MYT1L: variants seen among roughly 807,000 people sequenced by gnomAD.
MYT1L encodes the protein myelin transcription factor 1-like protein.
MYT1L carries 12 observed loss-of-function variants against 126.7 expected under a neutral mutation model. The ratio of observed to expected loss-of-function variants is 0.09; its 90% CI spans 0.06 to 0.15. The LOEUF (loss-of-function observed/expected upper bound fraction) is 0.15. MYT1L is among the 10% of genes least tolerant of loss of function. The pLI is 1.00. For missense variants in MYT1L, 979 were observed against 1,585.2 expected (o/e 0.62, Z 6.49); for synonymous variants, 541 against 604.2 (o/e 0.90, Z 1.53).
intron 9 of MYT1L, among the ~76,000 whole-genome samples, chr2:1,942,118 A>G (rs1238517617): frequency 6.6e-6 from 1 of 152,208 alleles, no homozygotes; most frequent in African/African-American, 2.4e-5. Flanking sequence ...GGGCATTTCT[A>G]TGAGGAAAAC....
chr2:1,972,762 G>A (rs143023213), intron 8 of MYT1L, among the ~76,000 whole-genome samples: 11 of 152,352 alleles, frequency 7.2e-5, no homozygotes, highest in East Asian at 3.9e-4. Context: ...AGAGGCGTGC[G>A]GAATGGAGAG....
chr2:2,154,697 G>A (rs2086431565), intron 3 of MYT1L, among the ~76,000 whole-genome samples: 1 of 152,184 alleles, frequency 6.6e-6, no homozygotes. Flanking sequence ...AGTGATAGGA[G>A]GGAGAGGAGC....
chr2:2,144,277 C>T (rs531777775), intron 3 of MYT1L, among the ~76,000 whole-genome samples: 1 of 152,224 alleles, frequency 6.6e-6, no homozygotes, highest in South Asian at 2.1e-4. Context: ...CATGGCTCCC[C>T]AGCCACCCCC....
intron 1 of MYT1L, among the ~76,000 whole-genome samples, chr2:2,296,855 T>C (rs1342199848): frequency 1.3e-5 from 2 of 152,158 alleles, no homozygotes; most frequent in Admixed American, 6.5e-5. Context: ...CTCACCGGTG[T>C]GTGCAGGGCT....
At chr2:1,810,463 G>A (rs1572437526) in intron 21 of MYT1L, among the ~76,000 whole-genome samples, 4 of 152,240 alleles carry the variant, frequency 2.6e-5, no homozygotes, top group Admixed American at 2.6e-4. Context: ...ATATGTATAT[G>A]ACATATGTGT....
chr2:2,191,687 C>T (rs12998678), intron 2 of MYT1L, among the ~76,000 whole-genome samples: 6,150 of 152,268 alleles, frequency 0.04, 159 homozygotes, highest in East Asian at 0.08. Flanking sequence ...GTCAGTAAAC[C>T]ACAGCAGAAT....
intron 8 of MYT1L, among the ~76,000 whole-genome samples, chr2:1,944,203 A>C (rs1206825693): frequency 6.6e-6 from 1 of 151,966 alleles, no homozygotes; most frequent in Non-Finnish European, 1.5e-5. Flanking sequence ...ATTACATTAG[A>C]TATATCTCCT....
At chr2:2,114,230 A>G (rs923882418) in intron 3 of MYT1L, among the ~76,000 whole-genome samples, 14 of 152,236 alleles carry the variant, frequency 9.2e-5, no homozygotes, top group African/African-American at 2.2e-4. Context: ...GGTATAGACT[A>G]GAAATAGAAA....
intron 21 of MYT1L, among the ~76,000 whole-genome samples, chr2:1,837,154 A>ACC (rs1286273609): frequency 2.0e-5 from 3 of 152,172 alleles, no homozygotes; most frequent in Non-Finnish European, 4.4e-5. Flanking sequence ...ACCCTAACAT[A>ACC]CAATGCAACC....
At chr2:1,908,685 T>C (rs2051452335) in intron 13 of MYT1L, among the ~76,000 whole-genome samples, 1 of 152,152 alleles carries the variant, frequency 6.6e-6, no homozygotes, top group Non-Finnish European at 1.5e-5. Context: ...TGGGGGTGGT[T>C]TTCATGTTGC....
chr2:2,009,701 C>A (rs2149746179), intron 4 of MYT1L, among the ~76,000 whole-genome samples: 2 of 152,250 alleles, frequency 1.3e-5, no homozygotes, highest in Middle Eastern at 6.8e-3. Flanking sequence ...TATCTTATTT[C>A]ATTTCTTGTC....
intron 1 of MYT1L, among the ~76,000 whole-genome samples, chr2:2,290,645 T>G (rs895849466): frequency 6.6e-6 from 1 of 152,158 alleles, no homozygotes; most frequent in African/African-American, 2.4e-5. Context: ...TACACACACA[T>G]GCTCTGACGT....
In MYT1L at chr2:1,974,065, C is replaced by G. The variant is rs190276620; in HGVS notation, c.152+5100G>C. Among the ~76,000 whole-genome samples, 203 of 152,344 alleles carry G rather than the reference C, an allele frequency of 1.3e-3. 1 individual carries two copies. The highest frequency in any genetic ancestry group is 2.2e-3 in the Non-Finnish European group (148 of 68,038). ...GACGGTACACCGGGACAGCTTCTGT[C>G]TTCCATGTTTTAAATGCCTGGAGGC... is the stretch of plus-strand genomic sequence containing the variant. On this transcript the variant is annotated intron_variant, in intron 8 of 24. Transcript: ENST00000647738.
intron 3 of MYT1L, among the ~76,000 whole-genome samples, chr2:2,116,177 C>A (rs1216458997): frequency 1.3e-5 from 2 of 152,236 alleles, no homozygotes; most frequent in Non-Finnish European, 2.9e-5. Context: ...GAAGAAAAGG[C>A]CATCCAGGGA....
intron 3 of MYT1L, among the ~76,000 whole-genome samples, chr2:2,058,411 A>G (rs1346122607): frequency 6.6e-6 from 1 of 152,194 alleles, no homozygotes; most frequent in African/African-American, 2.4e-5. Flanking sequence ...GTAGAGCAAA[A>G]GTTTTAATTT....
chr2:2,326,888 G>C (rs141442259), intron 1 of MYT1L: 1 of 152,292 alleles, frequency 6.6e-6, no homozygotes, highest in Non-Finnish European at 1.5e-5. Flanking sequence ...AGAGAGAAGA[G>C]AGGGTGGCAA....
chr2:2,163,616 C>T (rs1259511906), intron 3 of MYT1L, among the ~76,000 whole-genome samples: 1 of 151,474 alleles, frequency 6.6e-6, no homozygotes, highest in Admixed American at 6.6e-5. Context: ...CCTGTAGTCC[C>T]AGCTACTCGG....
At chr2:2,253,738 C>T (rs1270202914) in intron 2 of MYT1L, among the ~76,000 whole-genome samples, 6 of 151,644 alleles carry the variant, frequency 4.0e-5, no homozygotes, top group Non-Finnish European at 8.8e-5. Flanking sequence ...AAGTCGGAAA[C>T]AGGAAGCGGG....
rs898784473 is a variant in MYT1L, at chr2:1,789,966, TAC to T, written c.*1899_*1900del. On this transcript the variant is annotated 3_prime_UTR_variant, in exon 25 of 25. Coordinates refer to ENST00000647738, the MANE Select transcript of MYT1L (RefSeq NM_001303052.2). Reference sequence around the variant, plus strand: ...TGCCGCTGGGATATACATATATTTATACACATATATATATACCGAGGTTGAGT... The same window carrying T: ...TGCCGCTGGGATATACATATATTTATACATATATATATACCGAGGTTGAGT... The T allele has an allele frequency of 2.0e-5, 3 of 152,228 alleles. No homozygotes were observed. Among genetic ancestry groups the T allele is most frequent in the Admixed American group, 6.5e-5 (1 of 15,278 alleles). 9.4% of individuals were successfully genotyped at this position (152,228 alleles called of 1,614,324 possible).
Sources: allele counts gnomAD v4.1 joint callset (sites outside exome capture counted in the v4.1 genomes callset), GRCh38; gene constraint gnomAD v4.1.1; transcripts MANE v1.5; gene names NCBI Gene and HGNC (gene_info 2026-07-23, HGNC 2026-07-21).